Variants in HEATR5A observed in about 807,000 individuals in gnomAD.
HEATR5A encodes the protein HEAT repeat containing 5A, also known as HEAT repeat-containing protein 5A.
In HEATR5A, 178 loss-of-function variants were observed where a neutral mutation model predicts 218.8. The ratio of observed to expected loss-of-function variants is 0.81; its 90% CI spans 0.72 to 0.92. The LOEUF (loss-of-function observed/expected upper bound fraction) is 0.92, where lower values mean the gene tolerates loss of function less well. Among genes scored for constraint, HEATR5A ranks in the 40% least tolerant of loss-of-function variants. The probability of loss-of-function intolerance (pLI) is 0.00; values close to 1 mark genes in which losing one functional copy is unlikely to be tolerated. For synonymous variants in HEATR5A, 864 were observed against 871.6 expected, an observed-to-expected ratio of 0.99 and a Z score of 0.15; for missense variants, 2,420 against 2,418.9, an observed-to-expected ratio of 1.00 and a Z score of -0.01.
At chr14:31,339,766 A>T (rs2139198664) in intron 21 of HEATR5A, among the ~76,000 whole-genome samples, 1 of 152,326 alleles carries the variant, frequency 6.6e-6, no homozygotes, top group South Asian at 2.1e-4. Flanking sequence ...TAGAAACTAT[A>T]TTGTTAGCAG....
At chr14:31,319,182 C>T (rs1189569956) in intron 25 of HEATR5A, among the ~76,000 whole-genome samples, 1 of 152,042 alleles carries the variant, frequency 6.6e-6, no homozygotes, top group Non-Finnish European at 1.5e-5. Flanking sequence ...GACAAAGTCT[C>T]ACTCTTGTCC....
At chr14:31,399,061 C>T (rs575699775) in intron 3 of HEATR5A, among the ~76,000 whole-genome samples, 2 of 152,304 alleles carry the variant, frequency 1.3e-5, no homozygotes, top group East Asian at 3.9e-4. Context: ...ACAGTAATAG[C>T]TGTTACACTT....
At chr14:31,374,784 G>A in intron 12 of HEATR5A, 32 bp downstream of exon 12, 2 of 1,579,990 alleles carry the variant, frequency 1.3e-6, no homozygotes, top group Non-Finnish European at 1.7e-6. Context: ...AAAGCCAAAG[G>A]AAAGGGAGAG....
chr14:31,393,235 G>T (rs1186879668), intron 6 of HEATR5A, among the ~76,000 whole-genome samples: 1 of 152,138 alleles, frequency 6.6e-6, no homozygotes, highest in South Asian at 2.1e-4. Flanking sequence ...ATGGCTGGGG[G>T]GTGGTGGCTC....
intron 25 of HEATR5A, among the ~76,000 whole-genome samples, chr14:31,319,558 T>C (rs1254637650): frequency 6.6e-6 from 1 of 152,244 alleles, no homozygotes; most frequent in African/African-American, 2.4e-5. Context: ...AATCAACTGA[T>C]GAACTGCTCT....
At chr14:31,408,349 CA>C (rs2031152078) in intron 1 of HEATR5A, among the ~76,000 whole-genome samples, 1 of 152,114 alleles carries the variant, frequency 6.6e-6, no homozygotes, top group Admixed American at 6.5e-5. Flanking sequence ...TAATTTTTAA[CA>C]TTATTTTATA....
chr14:31,295,616 T>G (rs1213355441), intron 34 of HEATR5A: 1 of 180,866 alleles, frequency 5.5e-6, no homozygotes, highest in Non-Finnish European at 1.1e-5. Context: ...ACAAAGTATC[T>G]TATAAAAGTC....
Position 31,318,264 on chromosome 14 carries a change from GT to G in HEATR5A, c.3997del (p.Thr1333LeufsTer20). On this transcript the variant is annotated frameshift_variant, in exon 26 of 36. Transcript: ENST00000543095. LOFTEE classifies it high-confidence loss of function. ...NVGAALRPAF[T>X]SETPPDVTAK... is the part of the protein sequence containing the mutation. ...AGTGACATCAGGTGGTGTCTCTGAAGTGAAGGCTGGTCTAAGCGCTGCTCCT... is the reference window on the plus strand; with the variant it reads ...AGTGACATCAGGTGGTGTCTCTGAAGGAAGGCTGGTCTAAGCGCTGCTCCT... The G allele has an allele frequency of 6.2e-7, 1 of 1,613,918 alleles. No individual in the cohort carries two copies. Among genetic ancestry groups the G allele is most frequent in the Non-Finnish European group, 8.5e-7 (1 of 1,179,814 alleles).
chr14:31,383,939 TC>T (rs1424372422), intron 9 of HEATR5A, among the ~76,000 whole-genome samples, 168 bp from the exon 10 acceptor site: 4 of 152,182 alleles, frequency 2.6e-5, no homozygotes, highest in Admixed American at 6.5e-5. Flanking sequence ...ACTTCATTTT[TC>T]TCCCTTCTCA....
intron 22 of HEATR5A, among the ~76,000 whole-genome samples, chr14:31,335,207 T>C (rs1900613576): frequency 6.6e-6 from 1 of 152,170 alleles, no homozygotes; most frequent in Non-Finnish European, 1.5e-5. Flanking sequence ...AACATAACTC[T>C]GATATGCACT....
chr14:31,310,827 T>C (rs1207199072), intron 28 of HEATR5A, among the ~76,000 whole-genome samples: 1 of 152,094 alleles, frequency 6.6e-6, no homozygotes, highest in East Asian at 1.9e-4. Context: ...ACTCCATATA[T>C]CTTTTTGTGT....
At chr14:31,293,643 T>A in intron 35 of HEATR5A, 31 bp from the exon 36 acceptor site, 1 of 1,545,218 alleles carries the variant, frequency 6.5e-7, no homozygotes, top group Non-Finnish European at 8.7e-7. Flanking sequence ...ATAAGTTCAG[T>A]GACATAAATG....
At chr14:31,335,899 C>T (rs950853072) in intron 22 of HEATR5A, among the ~76,000 whole-genome samples, 1 of 151,918 alleles carries the variant, frequency 6.6e-6, no homozygotes, top group Non-Finnish European at 1.5e-5. Context: ...CGGTGATCTG[C>T]CCACCTCGGC....
At chr14:31,361,194 A>C (rs1241367047) in intron 14 of HEATR5A, among the ~76,000 whole-genome samples, 3 of 152,278 alleles carry the variant, frequency 2.0e-5, no homozygotes, top group East Asian at 3.9e-4. Flanking sequence ...CATTCATCCA[A>C]ATTGTGTTTA....
chr14:31,393,961 T>TA lies in HEATR5A; in HGVS notation c.772+90dup, dbSNP rs1595170273. 21 of 882,770 alleles carry TA rather than the reference T, an allele frequency of 2.4e-5. No homozygotes were observed. In the East Asian group the frequency reaches 6.0e-4, roughly 25 times the overall value. The allele number at this position is 882,770 out of a possible 1,614,324, so 54.7% of individuals were successfully genotyped here. ...CCATGCCTGGCCTGAAATTGATTTA[T>TA]AACGGGTAGCAATAACACTATACAT... On this transcript the variant is annotated intron_variant, in intron 6 of 35. Coordinates refer to ENST00000543095, the MANE Select transcript of HEATR5A (RefSeq NM_015473.4).
intron 9 of HEATR5A, among the ~76,000 whole-genome samples, chr14:31,384,470 C>A (rs1202174048): frequency 1.3e-5 from 2 of 150,762 alleles, no homozygotes; most frequent in Admixed American, 6.6e-5. Flanking sequence ...TCATACCCTG[C>A]CCCACCCTCT....
Position 31,305,189 on chromosome 14 carries a change from A to G in HEATR5A, c.4967-12T>C. On this transcript the variant is annotated splice_polypyrimidine_tract_variant and intron_variant, in intron 31 of 35. Coordinates refer to ENST00000543095, the MANE Select transcript of HEATR5A (RefSeq NM_015473.4). Reference sequence around the variant, plus strand: ...AGCCCCATCATCAACTAAAAGAAAGAATAGTGTTTAATACTTTGTGCTTGC... The same window carrying G: ...AGCCCCATCATCAACTAAAAGAAAGGATAGTGTTTAATACTTTGTGCTTGC... 1.2e-6 allele frequency: 2 copies of G among 1,609,880 alleles called. No homozygotes were observed. The highest frequency in any genetic ancestry group is 1.7e-6 in the Non-Finnish European group (2 of 1,179,128).
At chr14:31,332,917 C>T (rs145827528) in intron 22 of HEATR5A, among the ~76,000 whole-genome samples, 2,697 of 151,010 alleles carry the variant, frequency 0.018, 72 homozygotes, top group African/African-American at 0.062. Flanking sequence ...ACCCGGAAGA[C>T]GGAGGTCGCA....
intron 16 of HEATR5A, among the ~76,000 whole-genome samples, chr14:31,354,838 A>C (rs1470990440): frequency 6.6e-6 from 1 of 152,142 alleles, no homozygotes; most frequent in African/African-American, 2.4e-5. Flanking sequence ...ATAATGGCAA[A>C]ATTTTTTACT....
Sources: allele counts gnomAD v4.1 joint callset (sites outside exome capture counted in the v4.1 genomes callset), GRCh38; gene constraint gnomAD v4.1.1; transcripts MANE v1.5; gene names NCBI Gene and HGNC (gene_info 2026-07-23, HGNC 2026-07-21).